Variants in SGMS2 observed in about 807,000 individuals in gnomAD.
SGMS2 encodes phosphatidylcholine:ceramide cholinephosphotransferase 2.
A neutral mutation model predicts 43.8 loss-of-function variants in SGMS2; 21 were observed. The observed-to-expected ratio is 0.48, with a 90% CI of 0.34 to 0.69. The LOEUF is 0.69. SGMS2 is among the 30% of genes least tolerant of loss of function. The probability of loss-of-function intolerance (pLI) is 0.01; values close to 1 mark genes in which losing one functional copy is unlikely to be tolerated. For synonymous variants in SGMS2, 167 were observed against 160.6 expected, an observed-to-expected ratio of 1.04 and a Z score of -0.30; for missense variants, 384 against 443.2, an observed-to-expected ratio of 0.87 and a Z score of 1.20.
chr4:107,865,138 A>G (rs903127972), intron 2 of SGMS2, among the ~76,000 whole-genome samples: 9 of 152,338 alleles, frequency 5.9e-5, no homozygotes, highest in Admixed American at 5.9e-4. Flanking sequence ...TGTTTGTTCC[A>G]AGAAGCATTT....
In SGMS2 at chr4:107,855,346, C is replaced by T. The variant is rs1043849412; in HGVS notation, c.-326-3126C>T. ...GGCATATGGTGCTATAAAATTCCCT[C>T]GGTACTGCTTTTGCTGTATCTGATA... On this transcript the variant is annotated intron_variant, in intron 1 of 6. Transcript: ENST00000690982. Among the ~76,000 whole-genome samples the T allele has an allele frequency of 5.3e-5, 8 of 152,226 alleles. No homozygotes were observed. In the East Asian group the frequency reaches 5.8e-4, roughly 11 times the overall value.
intron 2 of SGMS2, 82 bp downstream of exon 2, chr4:107,858,635 T>C (rs1204249380): frequency 1.3e-5 from 2 of 152,134 alleles, no homozygotes; most frequent in Non-Finnish European, 2.9e-5. Context: ...TTACATCAGC[T>C]GAAGGTTGGC....
chr4:107,847,601 T>C (rs1171362041), intron 1 of SGMS2, among the ~76,000 whole-genome samples: 1 of 152,154 alleles, frequency 6.6e-6, no homozygotes, highest in African/African-American at 2.4e-5. Context: ...ATGCGGGCTG[T>C]TTTTTGGTTC....
At chr4:107,837,543 G>A (rs181467564) in intron 1 of SGMS2, among the ~76,000 whole-genome samples, 17 of 152,254 alleles carry the variant, frequency 1.1e-4, no homozygotes, top group Admixed American at 9.2e-4. Context: ...AGGCAGGACC[G>A]AGTTGGGTAG....
intron 2 of SGMS2, among the ~76,000 whole-genome samples, chr4:107,888,737 C>CT (rs893383289): frequency 2.0e-5 from 3 of 151,104 alleles, no homozygotes; most frequent in Admixed American, 6.6e-5. Flanking sequence ...AAAGGACACA[C>CT]TTTTTTTTTA....
chr4:107,840,299 C>T (rs1468035555), intron 1 of SGMS2, among the ~76,000 whole-genome samples: 1 of 152,218 alleles, frequency 6.6e-6, no homozygotes, highest in Non-Finnish European at 1.5e-5. Flanking sequence ...ATTCACTGCA[C>T]TGTAGTAATG....
chr4:107,865,272 G>A (rs1035179761), intron 2 of SGMS2, among the ~76,000 whole-genome samples: 5 of 152,064 alleles, frequency 3.3e-5, no homozygotes, highest in Non-Finnish European at 7.4e-5. Flanking sequence ...CTGCAACCCA[G>A]AAAAAAATAC....
chr4:107,881,629 TA>T (rs1313905220), intron 2 of SGMS2, among the ~76,000 whole-genome samples: 1 of 152,158 alleles, frequency 6.6e-6, no homozygotes, highest in Non-Finnish European at 1.5e-5. Context: ...GTTATAATTT[TA>T]GTGATTTTTA....
At chr4:107,867,643 C>T (rs1728224627) in intron 2 of SGMS2, 1 of 152,118 alleles carries the variant, frequency 6.6e-6, no homozygotes, top group Non-Finnish European at 1.5e-5. Flanking sequence ...TCTCTGTGCT[C>T]ATCTGTAAAA....
chr4:107,910,555 G>A lies in SGMS2; in HGVS notation c.*2G>A, dbSNP rs1160800639. 1 of 1,613,596 alleles carries A rather than the reference G, an allele frequency of 6.2e-7. No homozygotes were observed. The highest frequency in any genetic ancestry group is 2.2e-5 in the East Asian group (1 of 44,804). On this transcript the variant is annotated 3_prime_UTR_variant, in exon 7 of 7. Coordinates refer to ENST00000690982, the MANE Select transcript of SGMS2 (RefSeq NM_001375905.1). ...GAAGACAATGAGAAATCGACCTGAG[G>A]AGCAAAACAAAGGCATCAGCTCTTA...
intron 3 of SGMS2, 140 bp downstream of exon 3, chr4:107,896,148 G>A: frequency 2.6e-6 from 2 of 774,940 alleles, no homozygotes; most frequent in Non-Finnish European, 4.0e-6. Context: ...ACAGTAGAAA[G>A]CTCTACCACA....
chr4:107,892,234 CAAAAAAAAAAAA>C (rs34353350), intron 2 of SGMS2, among the ~76,000 whole-genome samples: 65 of 75,100 alleles, frequency 8.7e-4, no homozygotes, highest in African/African-American at 3.5e-3. Flanking sequence ...ACTAAAACTC[CAAAAAAAAAAAA>C]AAAAAAAAAA....
At chr4:107,849,339 C>T (rs942095208) in intron 1 of SGMS2, among the ~76,000 whole-genome samples, 16 of 152,230 alleles carry the variant, frequency 1.1e-4, no homozygotes, top group African/African-American at 3.6e-4. Context: ...CACAAGTCAT[C>T]ACATGTGCCT....
Position 107,910,679 on chromosome 4 carries a change from C to A in SGMS2, c.*126C>A. The A allele has an allele frequency of 1.2e-6, 1 of 822,490 alleles. No individual in the cohort carries two copies. Among genetic ancestry groups the A allele is most frequent in the Non-Finnish European group, 1.9e-6 (1 of 531,962 alleles). 50.9% of individuals were successfully genotyped at this position (822,490 alleles called of 1,614,324 possible). A position where few individuals can be genotyped will look rare whatever the true frequency, so the allele number is the denominator to read the frequency against. On this transcript the variant is annotated 3_prime_UTR_variant, in exon 7 of 7. Transcript: ENST00000690982. The stretch of plus-strand genomic sequence containing the variant: ...AGAAATGGACCAAATTTTGTGTAAA[C>A]GATTAGAAAGATGAACAAAGTATTG...
intron 1 of SGMS2, among the ~76,000 whole-genome samples, chr4:107,857,369 G>T (rs1483152381): frequency 3.3e-5 from 5 of 151,830 alleles, no homozygotes; most frequent in African/African-American, 9.7e-5. Context: ...TTTTTGGGGG[G>T]TATATACCTA....
At chr4:107,909,493 C>G (rs1189617197) in intron 6 of SGMS2, among the ~76,000 whole-genome samples, 1 of 152,136 alleles carries the variant, frequency 6.6e-6, no homozygotes, top group Non-Finnish European at 1.5e-5. Context: ...GATAATGGTG[C>G]TCTCTGGCTT....
At chr4:107,853,956 A>C (rs937529061) in intron 1 of SGMS2, among the ~76,000 whole-genome samples, 2 of 152,236 alleles carry the variant, frequency 1.3e-5, no homozygotes, top group Admixed American at 1.3e-4. Context: ...CCTTCCTTGC[A>C]GAATGCTACA....
intron 1 of SGMS2, among the ~76,000 whole-genome samples, chr4:107,835,863 G>A (rs962508231): frequency 5.3e-5 from 8 of 152,080 alleles, no homozygotes; most frequent in East Asian, 1.9e-4. Flanking sequence ...AGCAGACTCC[G>A]GACCAATGTG....
chr4:107,843,200 CT>C (rs1172909740), intron 1 of SGMS2, among the ~76,000 whole-genome samples: 1 of 151,632 alleles, frequency 6.6e-6, no homozygotes, highest in East Asian at 1.9e-4. Flanking sequence ...TTCCTCTTCA[CT>C]TTTTTATACA....
Sources: gnomAD v4.1 joint callset for allele counts (sites outside exome capture counted in the v4.1 genomes callset) on GRCh38, gnomAD v4.1.1 for gene constraint, MANE v1.5 for transcripts, NCBI Gene and HGNC (gene_info 2026-07-23, HGNC 2026-07-21) for gene names.